The following CSMD3 variants were observed in gnomAD, a reference collection of about 807,000 sequenced individuals.
The protein encoded by CSMD3 is CUB and Sushi multiple domains 3, also known as CUB and sushi domain-containing protein 3.
CSMD3 carries 177 observed loss-of-function variants against 435.2 expected under a neutral mutation model. The observed-to-expected ratio is 0.41, with a 90% CI of 0.36 to 0.46. The LOEUF (loss-of-function observed/expected upper bound fraction) is 0.46. Ranked by LOEUF, CSMD3 falls within the 20% of genes least tolerant of loss-of-function variation. The probability of loss-of-function intolerance (pLI) is 0.34; values close to 1 mark genes in which losing one functional copy is unlikely to be tolerated. For missense variants in CSMD3, 4,265 were observed against 4,504.6 expected, an observed-to-expected ratio of 0.95 and a Z score of 1.52; for synonymous variants, 1,656 against 1,520.5, an observed-to-expected ratio of 1.09 and a Z score of -2.07.
chr8:113,395,872 T>C (rs2094481479), intron 1 of CSMD3, among the ~76,000 whole-genome samples: 1 of 152,294 alleles, frequency 6.6e-6, no homozygotes, highest in Middle Eastern at 3.4e-3. Flanking sequence ...AACCATGTTC[T>C]AATACTATGA....
chr8:113,326,422 A>T (rs7822770), intron 1 of CSMD3, among the ~76,000 whole-genome samples: 45,294 of 150,682 alleles, frequency 0.3, 7,821 homozygotes, highest in East Asian at 0.69. Context: ...TTTTTTTTTT[A>T]AATCAGGGTA....
intron 42 of CSMD3, 101 bp downstream of exon 42, chr8:112,341,376 T>TC (rs1825095873): frequency 1.2e-6 from 1 of 852,902 alleles, no homozygotes; most frequent in Admixed American, 2.8e-5. Context: ...TTTTTTTTTT[T>TC]CTTTCTAAAA....
In CSMD3 at chr8:112,335,372, G is replaced by A. The variant is rs1485149164; in HGVS notation, c.7122C>T (p.His2374=). ...AAAAGCCACTTGTTGTGAAATCACT[G>A]TGGAATTTGATTAGAATCTGATTTG... ...STSNQILIKF[H]SDFTTSGFFV... The change falls in exon 45 of 71, where the codon CAC becomes CAT. Residue 2374 remains histidine, a synonymous_variant. Transcript: ENST00000297405. The A allele has an allele frequency of 9.9e-6, 16 of 1,613,800 alleles. No individual in the cohort carries two copies. The highest frequency in any genetic ancestry group is 3.3e-4 in the Middle Eastern group (2 of 6,078).
At chr8:112,400,337 T>C (rs1017463690) in intron 35 of CSMD3, among the ~76,000 whole-genome samples, 2 of 152,100 alleles carry the variant, frequency 1.3e-5, no homozygotes, top group Non-Finnish European at 2.9e-5. Flanking sequence ...ACTAATCCCA[T>C]TGGTCATCTC....
intron 41 of CSMD3, 25 bp from the exon 42 acceptor site, chr8:112,341,711 C>T (rs572138661): frequency 5.0e-6 from 7 of 1,402,602 alleles, no homozygotes; most frequent in South Asian, 1.2e-5. Context: ...AAACAGAATG[C>T]TACTTTATTT....
chr8:112,824,127 G>T (rs2079607313), intron 12 of CSMD3, among the ~76,000 whole-genome samples: 1 of 151,968 alleles, frequency 6.6e-6, no homozygotes, highest in Non-Finnish European at 1.5e-5. Flanking sequence ...TGTTTTGTCA[G>T]AAACTAGGAT....
intron 3 of CSMD3, among the ~76,000 whole-genome samples, chr8:113,275,404 T>C (rs560307147): frequency 1.3e-5 from 2 of 152,168 alleles, no homozygotes; most frequent in South Asian, 4.1e-4. Context: ...GAGTCTCTTA[T>C]TACAATGCAT....
chr8:113,308,258 C>CTTTTTTTTTTTTTTTT lies in CSMD3; in HGVS notation c.401+6297_401+6312dup, dbSNP rs11440584. Among the ~76,000 whole-genome samples, 2 of 64,966 alleles carry CTTTTTTTTTTTTTTTT rather than the reference C, an allele frequency of 3.1e-5. 1 individual carries two copies. Among genetic ancestry groups the CTTTTTTTTTTTTTTTT allele is most frequent in the Non-Finnish European group, 5.5e-5 (2 of 36,498 alleles). 42.6% of individuals were successfully genotyped at this position (64,966 alleles called of 152,430 possible). A position where few individuals can be genotyped will look rare whatever the true frequency, so the allele number is the denominator to read the frequency against. On this transcript the variant is annotated intron_variant, in intron 2 of 70. Transcript: ENST00000297405. ...TAAATATCCAGTAAATCATTTAAGT[C>CTTTTTTTTTTTTTTTT]TTTTTTTTTTTTTTTTTTTTTTTTT...
intron 23 of CSMD3, among the ~76,000 whole-genome samples, chr8:112,586,859 A>C (rs1830770456): frequency 6.6e-6 from 1 of 151,670 alleles, no homozygotes; most frequent in Admixed American, 6.6e-5. Context: ...TTTATTATAA[A>C]AAAATTGGAA....
chr8:113,334,292 TTTTCA>T (rs1329374729), intron 1 of CSMD3, among the ~76,000 whole-genome samples: 4 of 93,572 alleles, frequency 4.3e-5, no homozygotes, highest in African/African-American at 9.4e-5. Context: ...TTTTTTTTTT[TTTTCA>T]TTTCCAGCCT....
At chr8:112,325,738 C>G (rs933601417) in intron 45 of CSMD3, among the ~76,000 whole-genome samples, 2 of 151,932 alleles carry the variant, frequency 1.3e-5, no homozygotes, top group Non-Finnish European at 2.9e-5. Flanking sequence ...TGAGTAAGGA[C>G]ATAGTCTAGA....
intron 3 of CSMD3, among the ~76,000 whole-genome samples, chr8:113,202,349 G>T (rs1470469725): frequency 1.3e-5 from 2 of 152,058 alleles, no homozygotes; most frequent in Non-Finnish European, 2.9e-5. Context: ...GCAAATTACT[G>T]TTGCCTGGCT....
chr8:112,650,926 TC>T (rs2131636209), intron 18 of CSMD3, among the ~76,000 whole-genome samples: 1 of 88,210 alleles, frequency 1.1e-5, no homozygotes, highest in East Asian at 3.8e-4. Flanking sequence ...ACAATGTTTT[TC>T]CTTTAATAAG....
At chr8:112,415,858 T>G (rs1390973276) in intron 32 of CSMD3, among the ~76,000 whole-genome samples, 2 of 152,204 alleles carry the variant, frequency 1.3e-5, no homozygotes, top group Admixed American at 6.5e-5. Flanking sequence ...GCCCTTTTGT[T>G]TTGGCCAATT....
At chr8:112,534,082 A>C (rs1825808850) in intron 27 of CSMD3, among the ~76,000 whole-genome samples, 1 of 152,268 alleles carries the variant, frequency 6.6e-6, no homozygotes, top group Admixed American at 6.5e-5. Flanking sequence ...GAAAGATAAA[A>C]AATTGACACC....
At chr8:112,744,486 A>G (rs1164618458) in intron 13 of CSMD3, among the ~76,000 whole-genome samples, 1 of 152,054 alleles carries the variant, frequency 6.6e-6, no homozygotes, top group Non-Finnish European at 1.5e-5. Flanking sequence ...CAGTAATCAC[A>G]TTTACTAATA....
chr8:113,166,404 A>C (rs1277906568), intron 4 of CSMD3, among the ~76,000 whole-genome samples: 1 of 152,022 alleles, frequency 6.6e-6, no homozygotes, highest in Non-Finnish European at 1.5e-5. Context: ...ACTTGGAAGG[A>C]TAAGCCAGGA....
rs1189182318 is a variant in CSMD3, at chr8:113,309,789, T to C, written c.401+4782A>G. On this transcript the variant is annotated intron_variant, in intron 2 of 70. Coordinates refer to ENST00000297405, the MANE Select transcript of CSMD3 (RefSeq NM_198123.2). Reference sequence around the variant, plus strand: ...TGGATATTGTGATAGATTTTGTCAGTTGCCTGGCCCTCAGTCTTCTCCATG... The same window carrying C: ...TGGATATTGTGATAGATTTTGTCAGCTGCCTGGCCCTCAGTCTTCTCCATG... 5 of 152,328 alleles carry C rather than the reference T, an allele frequency of 3.3e-5. No individual in the cohort carries two copies. In the South Asian group the frequency reaches 8.3e-4, roughly 25 times the overall value. The allele number at this position is 152,328 out of a possible 1,614,324, so 9.4% of individuals were successfully genotyped here.
chr8:113,236,151 A>G lies in CSMD3; in HGVS notation c.514+42441T>C, dbSNP rs142176456. Among the ~76,000 whole-genome samples the G allele has an allele frequency of 3.7e-3, 557 of 152,306 alleles. 2 individuals are homozygous for G. Among genetic ancestry groups the G allele is most frequent in the Non-Finnish European group, 5.9e-3 (402 of 68,030 alleles). On this transcript the variant is annotated intron_variant, in intron 3 of 70. Transcript: ENST00000297405. ...TAGGTGGAGATTTTATATGCTAATG[A>G]TACATATGTTACATGTTAGAGCATG...
Sources: allele counts gnomAD v4.1 joint callset (sites outside exome capture counted in the v4.1 genomes callset), GRCh38; gene constraint gnomAD v4.1.1; transcripts MANE v1.5; gene names NCBI Gene and HGNC (gene_info 2026-07-23, HGNC 2026-07-21).